Variants in POFUT1 observed in about 807,000 individuals in gnomAD.
POFUT1 encodes the protein GDP-fucose protein O-fucosyltransferase 1.
POFUT1 carries 16 observed loss-of-function variants against 42.4 expected under a neutral mutation model. The observed-to-expected ratio is 0.38, with a 90% confidence interval of 0.26 to 0.57. The LOEUF (loss-of-function observed/expected upper bound fraction) is 0.57. Ranked by LOEUF, POFUT1 falls within the 20% of genes least tolerant of loss-of-function variation. POFUT1 has a pLI of 0.71. For missense variants in POFUT1, 470 were observed against 504.6 expected (o/e 0.93, Z 0.66); for synonymous variants, 206 against 205.4 (o/e 1.00, Z -0.03).
At chr20:32,211,083 CT>C (rs1255449067) in intron 2 of POFUT1, among the ~76,000 whole-genome samples, 6 of 152,050 alleles carry the variant, frequency 3.9e-5, no homozygotes, top group Non-Finnish European at 5.9e-5. Flanking sequence ...CCTCAGTGTC[CT>C]CATTTTAAAA....
chr20:32,236,718 A>G lies in POFUT1; in HGVS notation c.*2057A>G, dbSNP rs1018091609. 6.6e-6 allele frequency: 1 copy of G among 152,236 alleles called. No homozygotes were observed. Among genetic ancestry groups the G allele is most frequent in the Admixed American group, 6.5e-5 (1 of 15,280 alleles). The allele number at this position is 152,236 out of a possible 1,614,324, so 9.4% of individuals were successfully genotyped here. On this transcript the variant is annotated 3_prime_UTR_variant, in exon 7 of 7. Coordinates refer to ENST00000375749, the MANE Select transcript of POFUT1 (RefSeq NM_015352.2). ...GTAAACTTGAAAGAGACAAAGGCAC[A>G]AATGTGGCTGTTGATTAATTTGACT...
rs41288634 is a variant in POFUT1, at chr20:32,236,462, C to G, written c.*1801C>G. 0.058 allele frequency: 8,823 copies of G among 152,330 alleles called. 908 individuals are homozygous for G. The highest frequency in any genetic ancestry group is 0.2 in the African/African-American group (8,356 of 41,518). 9.4% of individuals were successfully genotyped at this position (152,330 alleles called of 1,614,324 possible). A position where few individuals can be genotyped will look rare whatever the true frequency, so the allele number is the denominator to read the frequency against. On this transcript the variant is annotated 3_prime_UTR_variant, in exon 7 of 7. Transcript: ENST00000375749. The stretch of plus-strand genomic sequence containing the variant: ...AAGCGATCCTTCTGCCTCAGCCTCT[C>G]TGGTAGCTGAGACTGCATGCCCAGC...
At chr20:32,213,132 C>T (rs564289639) in intron 2 of POFUT1, among the ~76,000 whole-genome samples, 5 of 152,020 alleles carry the variant, frequency 3.3e-5, no homozygotes, top group South Asian at 2.1e-4. Flanking sequence ...GTGATCCATC[C>T]GCCTCAGCCT....
intron 2 of POFUT1, among the ~76,000 whole-genome samples, chr20:32,212,319 T>TGA (rs761760714): frequency 8.4e-4 from 128 of 151,834 alleles, no homozygotes; most frequent in Admixed American, 6.1e-3. Flanking sequence ...TTGCCCAGGG[T>TGA]GAAGTGCAGT....
intron 2 of POFUT1, among the ~76,000 whole-genome samples, chr20:32,214,081 T>C (rs985579955): frequency 6.6e-6 from 1 of 151,916 alleles, no homozygotes; most frequent in African/African-American, 2.4e-5. Flanking sequence ...AGAACTTCTG[T>C]ACTTCTCTAG....
intron 2 of POFUT1, among the ~76,000 whole-genome samples, chr20:32,212,788 G>A (rs557927752): frequency 6.6e-6 from 1 of 152,256 alleles, no homozygotes; most frequent in South Asian, 2.1e-4. Context: ...CGCCATGTTG[G>A]CCAGGTTGGT....
intron 4 of POFUT1, chr20:32,217,567 G>A (rs2047368806): frequency 2.0e-6 from 2 of 983,274 alleles, no homozygotes; most frequent in Non-Finnish European, 2.4e-6. Context: ...AGCCATGATG[G>A]TACCCCTGCA....
chr20:32,219,508 G>GT (rs11478934), intron 4 of POFUT1, among the ~76,000 whole-genome samples: 2,421 of 112,322 alleles, frequency 0.022, 42 homozygotes, highest in African/African-American at 0.054. Flanking sequence ...ATAACAACAA[G>GT]TTTTTTTTTT....
At chr20:32,213,141 C>T (rs2047339131) in intron 2 of POFUT1, among the ~76,000 whole-genome samples, 1 of 152,154 alleles carries the variant, frequency 6.6e-6, no homozygotes, top group Non-Finnish European at 1.5e-5. Flanking sequence ...CCGCCTCAGC[C>T]TCCCAAAGTA....
Position 32,215,251 on chromosome 20 carries a change from C to T in POFUT1, c.247-18C>T. ...CGGGGGCACTGAGACGGGACCTCTG[C>T]TCCTCCTTTTCCTGTAGCTCCATGT... is the stretch of plus-strand genomic sequence containing the variant. On this transcript the variant is annotated intron_variant, in intron 2 of 6. Coordinates refer to ENST00000375749, the MANE Select transcript of POFUT1 (RefSeq NM_015352.2). 1 of 1,597,282 alleles carries T rather than the reference C, an allele frequency of 6.3e-7. No individual in the cohort carries two copies.
At chr20:32,208,174 C>A in intron 1 of POFUT1, 109 bp downstream of exon 1, 1 of 1,129,028 alleles carries the variant, frequency 8.9e-7, no homozygotes, top group Non-Finnish European at 1.3e-6. Flanking sequence ...GAGAGAACCT[C>A]AGAGCGGGAC....
At chr20:32,210,331 C>T in intron 2 of POFUT1, 139 bp downstream of exon 2, 1 of 825,234 alleles carries the variant, frequency 1.2e-6, no homozygotes, top group Non-Finnish European at 2.1e-6. Context: ...GTCTTCACTG[C>T]AATAACAATG....
rs369814048 is a variant in POFUT1, at chr20:32,234,669, C to T, written c.*8C>T. The T allele has an allele frequency of 2.5e-5, 40 of 1,595,370 alleles. No individual in the cohort carries two copies. In the African/African-American group the frequency reaches 3.6e-4, roughly 14 times the overall value. On this transcript the variant is annotated 3_prime_UTR_variant, in exon 7 of 7. Transcript: ENST00000375749. ...CTGCGGGACGAGTTCTGATTCTGGC[C>T]GGAGCACCAGACCCTCTGATCCTGG... is the stretch of plus-strand genomic sequence containing the variant.
At chr20:32,211,066 C>G (rs927216352) in intron 2 of POFUT1, among the ~76,000 whole-genome samples, 3 of 152,174 alleles carry the variant, frequency 2.0e-5, no homozygotes, top group African/African-American at 7.2e-5. Context: ...TACTTTACCT[C>G]TTTGTGCCTC....
Position 32,208,080 on chromosome 20 carries a change from G to T in POFUT1, c.124+15G>T. Reference sequence around the variant, plus strand: ...CCCCTGCATGGGTAAGGCCTCCCAAGCCCTCTGCTCAGATGGAGAAACTGA... The same window carrying T: ...CCCCTGCATGGGTAAGGCCTCCCAATCCCTCTGCTCAGATGGAGAAACTGA... On this transcript the variant is annotated intron_variant, in intron 1 of 6. Transcript: ENST00000375749. 6.5e-7 allele frequency: 1 copy of T among 1,541,910 alleles called. No homozygotes were observed.
Position 32,210,179 on chromosome 20 carries a change from C to T in POFUT1, c.233C>T (p.Pro78Leu). Residue 78 changes from proline to leucine, a missense_variant, in exon 2 of 7, where the codon CCT becomes CTT. Pro to Leu is a moderately conservative substitution (Grantham distance 98). Transcript: ENST00000375749. The stretch of plus-strand genomic sequence containing the variant: ...TGGATTGAGTACCAGCATCACAAGC[C>T]TCCTTTCACCAACGTGAGTACTTCC... The part of the protein sequence containing the change: ...PPWIEYQHHK[P>L]PFTNLHVSYQ... 3 of 1,614,172 alleles carry T rather than the reference C, an allele frequency of 1.9e-6. No individual in the cohort carries two copies. Among genetic ancestry groups the T allele is most frequent in the Non-Finnish European group, 1.7e-6 (2 of 1,180,012 alleles).
Position 32,231,070 on chromosome 20 carries a change from G to A in POFUT1, c.978+9G>A. 6.2e-7 allele frequency: 1 copy of A among 1,614,030 alleles called. No individual in the cohort carries two copies. Among genetic ancestry groups the A allele is most frequent in the South Asian group, 1.1e-5 (1 of 91,032 alleles). On this transcript the variant is annotated intron_variant, in intron 6 of 6. Coordinates refer to ENST00000375749, the MANE Select transcript of POFUT1 (RefSeq NM_015352.2). ...AGCTCTTCAAAGGGAAGGTATGTGT[G>A]GGCCAAGTGGGAGTGCAGTAGGAAG...
At chr20:32,218,082 C>T (rs2047372077) in intron 4 of POFUT1, among the ~76,000 whole-genome samples, 1 of 152,166 alleles carries the variant, frequency 6.6e-6, no homozygotes, top group Non-Finnish European at 1.5e-5. Context: ...GGTCATAAAG[C>T]TTGAAGTTGC....
Position 32,234,598 on chromosome 20 carries a change from CCAGGGGAGGCCGTCTT to C in POFUT1, c.1106_1121del (p.Gln369LeufsTer32). 6.2e-7 allele frequency: 1 copy of C among 1,614,096 alleles called. No homozygotes were observed. The highest frequency in any genetic ancestry group is 8.5e-7 in the Non-Finnish European group (1 of 1,179,968). On this transcript the variant is annotated frameshift_variant, in exon 7 of 7. Transcript: ENST00000375749. LOFTEE classifies it high-confidence loss of function. ...CCTTTGTGAAGCGGGAGCGGGACCT[CCAGGGGAGGCCGTCTT>C]CTTTCTTCGGCATGGACAGGCCCCC...
Sources: allele counts gnomAD v4.1 joint callset (sites outside exome capture counted in the v4.1 genomes callset), GRCh38; gene constraint gnomAD v4.1.1; transcripts MANE v1.5; gene names NCBI Gene and HGNC (gene_info 2026-07-23, HGNC 2026-07-21).